Variants in S100Z observed in about 807,000 individuals in gnomAD.
S100Z encodes the protein S100 calcium binding protein Z.
A neutral mutation model predicts 8.5 loss-of-function variants in S100Z; 11 were observed. The ratio of observed to expected loss-of-function variants is 1.30; its 90% CI spans 0.82 to 2.15. The LOEUF is 2.15. S100Z is among the 30% of genes most tolerant of loss of function. S100Z has a pLI of 0.00. For synonymous variants in S100Z, 34 were observed against 43.8 expected, an observed-to-expected ratio of 0.78 and a Z score of 0.89; for missense variants, 126 against 117.9, an observed-to-expected ratio of 1.07 and a Z score of -0.32.
rs749431702 is a variant in S100Z at position 76,875,478 on chromosome 5, G to T, written c.119G>T (p.Arg40Leu). ...GGGGAACTGAAACTGCTCCTGCAGC[G>T]AGAGCTCACGGAATTCCTCTCGGTG... ...SKGELKLLLQ[R>L]ELTEFLSCQK... Residue 40 changes from arginine to leucine, a missense_variant, in exon 3 of 5, where the codon CGA becomes CTA. Coordinates refer to ENST00000317593, the MANE Select transcript of S100Z (RefSeq NM_130772.4). The T allele has an allele frequency of 6.2e-7, 1 of 1,610,990 alleles. No individual in the cohort carries two copies. Among genetic ancestry groups the T allele is most frequent in the African/African-American group, 1.3e-5 (1 of 74,828 alleles).
chr5:76,876,145 A>C (rs1160913325), intron 3 of S100Z, among the ~76,000 whole-genome samples: 1 of 152,098 alleles, frequency 6.6e-6, no homozygotes, highest in Non-Finnish European at 1.5e-5. Context: ...TATAGAGTTG[A>C]CTTAAACTGA....
chr5:76,946,599 G>A, the S100Z span, among the ~76,000 whole-genome samples: 1 of 151,998 alleles, frequency 6.6e-6, no homozygotes, highest in Admixed American at 6.6e-5. Flanking sequence ...CTAATATGAA[G>A]TCATTCCTTC....
chr5:76,901,987 T>A (rs1312269996), intron 4 of S100Z, among the ~76,000 whole-genome samples: 4 of 151,994 alleles, frequency 2.6e-5, no homozygotes, highest in African/African-American at 7.3e-5. Flanking sequence ...TGGCCCAAAG[T>A]GTGTCTAGAA....
In S100Z at chr5:76,882,245, C is replaced by T. The variant is rs555518336; in HGVS notation, c.*2+4411C>T. ...AGGGCCTCTAAAAGTATTAAGGCAG[C>T]GGCAGCCACTGCACACAGACATGAA... On this transcript the variant is annotated intron_variant, in intron 4 of 4. Transcript: ENST00000317593. Among the ~76,000 whole-genome samples the T allele has an allele frequency of 2.3e-4, 35 of 152,240 alleles. No homozygotes were observed. The South Asian group carries it at 5.6e-3, about 24-fold the overall frequency.
chr5:76,928,417 AG>A, the S100Z span, among the ~76,000 whole-genome samples: 1 of 152,244 alleles, frequency 6.6e-6, no homozygotes, highest in Non-Finnish European at 1.5e-5. Flanking sequence ...ATGCACCTTT[AG>A]GATGGGAGTG....
downstream of S100Z, among the ~76,000 whole-genome samples, chr5:76,922,951 A>T (rs1017914242): frequency 6.6e-6 from 1 of 151,322 alleles, no homozygotes; most frequent in Admixed American, 6.6e-5. Context: ...TTGTCAGCTG[A>T]GTTTTAGCAA....
At chr5:76,889,014 T>C (rs991142591) in intron 4 of S100Z, among the ~76,000 whole-genome samples, 3 of 152,170 alleles carry the variant, frequency 2.0e-5, no homozygotes, top group East Asian at 1.9e-4. Flanking sequence ...ATTAAGAGCC[T>C]AGGGTGGGAG....
intron 1 of S100Z, among the ~76,000 whole-genome samples, chr5:76,853,827 A>G (rs1750799741): frequency 6.6e-6 from 1 of 151,064 alleles, no homozygotes; most frequent in Admixed American, 6.6e-5. Flanking sequence ...TGTAATCCCC[A>G]GGGTTGGAGT....
chr5:76,891,112 T>C (rs1743841482), intron 4 of S100Z, among the ~76,000 whole-genome samples: 1 of 152,196 alleles, frequency 6.6e-6, no homozygotes, highest in Non-Finnish European at 1.5e-5. Context: ...TCTGCCCGCC[T>C]TGGGCTCCCA....
the S100Z span, among the ~76,000 whole-genome samples, chr5:76,937,140 T>A: frequency 6.6e-6 from 1 of 152,076 alleles, no homozygotes; most frequent in Non-Finnish European, 1.5e-5. Context: ...GATAAGATAT[T>A]GGAAATGGCT....
At chr5:76,913,204 CA>C (rs1466975558) in intron 4 of S100Z, among the ~76,000 whole-genome samples, 1 of 152,212 alleles carries the variant, frequency 6.6e-6, no homozygotes, top group East Asian at 1.9e-4. Context: ...GCCTTCCTAT[CA>C]AAAATCCTTA....
rs761644510 is a variant in S100Z, at chr5:76,875,309, T to C, written c.-51T>C. On this transcript the variant is annotated 5_prime_UTR_variant, in exon 3 of 5. Transcript: ENST00000317593. Reference sequence around the variant, plus strand: ...ATCTGTTTATTCTGAACAAGTGTCTTCTCCCCGGGTTTGGTGGCCTGCTTC... The same window carrying C: ...ATCTGTTTATTCTGAACAAGTGTCTCCTCCCCGGGTTTGGTGGCCTGCTTC... 5 of 1,554,174 alleles carry C rather than the reference T, an allele frequency of 3.2e-6. No homozygotes were observed. In the Admixed American group the frequency reaches 1.0e-4, roughly 31 times the overall value.
At chr5:76,949,617 TACTC>T in the S100Z span, among the ~76,000 whole-genome samples, 2 of 152,332 alleles carry the variant, frequency 1.3e-5, no homozygotes, top group Admixed American at 6.5e-5. Context: ...AATGGAATAT[TACTC>T]AGTCTGAGAA....
intron 4 of S100Z, among the ~76,000 whole-genome samples, chr5:76,913,789 G>T (rs961784462): frequency 6.6e-6 from 1 of 152,182 alleles, no homozygotes; most frequent in African/African-American, 2.4e-5. Context: ...ACCGTCTTAG[G>T]GGAAGAGTGC....
chr5:76,941,994 G>C, the S100Z span, among the ~76,000 whole-genome samples: 1 of 151,906 alleles, frequency 6.6e-6, no homozygotes, highest in South Asian at 2.1e-4. Flanking sequence ...TGGCCATCGA[G>C]AGCACTTTCA....
chr5:76,893,625 G>A (rs1003081030), intron 4 of S100Z, among the ~76,000 whole-genome samples: 2 of 152,066 alleles, frequency 1.3e-5, no homozygotes, highest in Non-Finnish European at 1.5e-5. Context: ...AATTATGTTC[G>A]GTGCCTCCAG....
the S100Z span, among the ~76,000 whole-genome samples, chr5:76,944,915 T>C: frequency 6.6e-6 from 1 of 152,188 alleles, no homozygotes; most frequent in Non-Finnish European, 1.5e-5. Flanking sequence ...ATCTACTGGC[T>C]AGATGTTAGT....
chr5:76,888,317 G>C (rs1743721878), intron 4 of S100Z, among the ~76,000 whole-genome samples: 2 of 149,136 alleles, frequency 1.3e-5, no homozygotes, highest in Admixed American at 1.3e-4. Context: ...GAGGAAAAGG[G>C]GTCCTTGGGA....
the S100Z span, among the ~76,000 whole-genome samples, chr5:76,933,432 C>G: frequency 2.0e-5 from 3 of 152,148 alleles, no homozygotes; most frequent in Admixed American, 1.3e-4. Context: ...TGTGAATGTT[C>G]CCTAGAGAGC....
Sources: allele counts gnomAD v4.1 joint callset (sites outside exome capture counted in the v4.1 genomes callset), GRCh38; gene constraint gnomAD v4.1.1; transcripts MANE v1.5; gene names NCBI Gene and HGNC (gene_info 2026-07-23, HGNC 2026-07-21).